The following TMEM70 variants were observed in gnomAD, a reference collection of about 807,000 sequenced individuals.
The protein encoded by TMEM70 is transmembrane protein 70, mitochondrial.
In TMEM70, 15 loss-of-function variants were observed where a neutral mutation model predicts 20.5. That is an observed-to-expected ratio of 0.73 (90% CI 0.49 to 1.13). TMEM70 has a LOEUF of 1.13. Ranked by LOEUF, TMEM70 falls within the 50% of genes most tolerant of loss-of-function variation. TMEM70 has a pLI of 0.00. For missense variants in TMEM70, 344 were observed against 331.7 expected (o/e 1.04, Z -0.29); for synonymous variants, 141 against 134.2 (o/e 1.05, Z -0.35).
At position 73,981,325 on chromosome 8, in the gene TMEM70, A is replaced by G. The variant is rs1586636780; in HGVS notation, c.487A>G (p.Thr163Ala). 6.2e-7 allele frequency: 1 copy of G among 1,614,092 alleles called. No individual in the cohort carries two copies. Among genetic ancestry groups the G allele is most frequent in the Non-Finnish European group, 8.5e-7 (1 of 1,180,052 alleles). The change falls in exon 3 of 3, where the codon ACA (threonine) becomes GCA (alanine). Residue 163 changes from threonine to alanine, a missense_variant. Coordinates refer to ENST00000312184, the MANE Select transcript of TMEM70 (RefSeq NM_017866.6). ...VITPVLLHFITKGYVIRLYHE... is the reference protein window; with the variant it reads ...VITPVLLHFIAKGYVIRLYHE... ...CACCCCAGTGCTGCTTCACTTTATTACAAAAGGCTATGTCATTCGATTGTA... is the reference window on the plus strand; with the variant it reads ...CACCCCAGTGCTGCTTCACTTTATTGCAAAAGGCTATGTCATTCGATTGTA...
At chr8:73,976,813 GCAGCAC>G (rs1293551496) in intron 1 of TMEM70, among the ~76,000 whole-genome samples, 1 of 152,240 alleles carries the variant, frequency 6.6e-6, no homozygotes, top group Non-Finnish European at 1.5e-5. Context: ...AAAATTGGAT[GCAGCAC>G]CTGGAAATAG....
At chr8:73,976,924 G>A (rs1295648204) in intron 1 of TMEM70, among the ~76,000 whole-genome samples, 1 of 152,152 alleles carries the variant, frequency 6.6e-6, no homozygotes, top group African/African-American at 2.4e-5. Context: ...GGGAAAAGGG[G>A]GATGCAGATG....
intron 1 of TMEM70, 39 bp downstream of exon 1, chr8:73,976,530 G>C: frequency 6.8e-7 from 1 of 1,474,502 alleles, no homozygotes; most frequent in Non-Finnish European, 9.0e-7. Flanking sequence ...GTGAGGCGGG[G>C]AGGGCGGGCG....
intron 2 of TMEM70, among the ~76,000 whole-genome samples, chr8:73,980,940 G>A (rs866917986): frequency 6.6e-6 from 1 of 152,186 alleles, no homozygotes; most frequent in East Asian, 1.9e-4. Flanking sequence ...GCCTGGAGAG[G>A]CAGTGCATTC....
In TMEM70 at chr8:73,976,508, C is replaced by T. The variant is rs1815652636; in HGVS notation, c.210+17C>T. On this transcript the variant is annotated intron_variant, in intron 1 of 2. Coordinates refer to ENST00000312184, the MANE Select transcript of TMEM70 (RefSeq NM_017866.6). ...CGAGCGCAGGTAGGGCGTCCGAGGT[C>T]TGGTGTCCCAAGTGAGGCGGGGAGG... The T allele has an allele frequency of 6.6e-7, 1 of 1,508,462 alleles. No individual in the cohort carries two copies. The highest frequency in any genetic ancestry group is 8.8e-7 in the Non-Finnish European group (1 of 1,133,258). 93.4% of individuals were successfully genotyped at this position (1,508,462 alleles called of 1,614,324 possible). A position where few individuals can be genotyped will look rare whatever the true frequency, so the allele number is the denominator to read the frequency against.
In TMEM70 at chr8:73,981,584, A is replaced by T; in HGVS notation, c.746A>T (p.Glu249Val). The change falls in exon 3 of 3, where the codon GAA becomes GTA. Residue 249 changes from glutamate (E) to valine (V), a missense_variant. Glu to Val is a moderately radical substitution (Grantham distance 121, BLOSUM62 -2). Transcript: ENST00000312184. Reference protein sequence around the residue: ...DKEEFILYMEETSEEKRHKDD... With the variant: ...DKEEFILYMEVTSEEKRHKDD... ...GAAGAATTTATTTTGTATATGGAAGAAACCAGTGAAGAGAAACGGCATAAA... is the reference window on the plus strand; with the variant it reads ...GAAGAATTTATTTTGTATATGGAAGTAACCAGTGAAGAGAAACGGCATAAA... The T allele has an allele frequency of 6.2e-7, 1 of 1,612,336 alleles. No individual in the cohort carries two copies. Among genetic ancestry groups the T allele is most frequent in the Non-Finnish European group, 8.5e-7 (1 of 1,179,254 alleles).
chr8:73,978,175 C>T (rs1815699174), intron 1 of TMEM70, among the ~76,000 whole-genome samples: 1 of 151,698 alleles, frequency 6.6e-6, no homozygotes, highest in Non-Finnish European at 1.5e-5. Flanking sequence ...CAATCTCCGC[C>T]TCCCAGGTTC....
At position 73,981,886 on chromosome 8, in the gene TMEM70, T is replaced by C. The variant is rs1240616869; in HGVS notation, c.*265T>C. 2 of 572,802 alleles carry C rather than the reference T, an allele frequency of 3.5e-6. No individual in the cohort carries two copies. Among genetic ancestry groups the C allele is most frequent in the Non-Finnish European group, 6.5e-6 (2 of 305,396 alleles). 35.5% of individuals were successfully genotyped at this position (572,802 alleles called of 1,614,324 possible). A position where few individuals can be genotyped will look rare whatever the true frequency, so the allele number is the denominator to read the frequency against. ...AGAGTTCTGTGTTACTGTGGTTGAC[T>C]CTAAACTGGGGATCTGATGTCAGTA... On this transcript the variant is annotated 3_prime_UTR_variant, in exon 3 of 3. Coordinates refer to ENST00000312184, the MANE Select transcript of TMEM70 (RefSeq NM_017866.6).
rs778694443 is a variant in TMEM70, at chr8:73,982,714, C to T, written c.*1093C>T. 9 of 455,964 alleles carry T rather than the reference C, an allele frequency of 2.0e-5. No individual in the cohort carries two copies. The highest frequency in any genetic ancestry group is 6.0e-5 in the African/African-American group (3 of 50,106). 28.2% of individuals were successfully genotyped at this position (455,964 alleles called of 1,614,324 possible). A position where few individuals can be genotyped will look rare whatever the true frequency, so the allele number is the denominator to read the frequency against. ...TCAGTATCTTAATTTGTTTCTGCAA[C>T]TGTGCACTCCTCCCTTGGTGGCACC... On this transcript the variant is annotated 3_prime_UTR_variant, in exon 3 of 3. Transcript: ENST00000312184.
intron 1 of TMEM70, among the ~76,000 whole-genome samples, chr8:73,978,097 A>G (rs563604072): frequency 4.2e-4 from 64 of 151,850 alleles, no homozygotes; most frequent in Non-Finnish European, 8.2e-4. Context: ...ATTTTATTTT[A>G]TTTTTTTGAG....
At chr8:73,976,960 A>G (rs1815666950) in intron 1 of TMEM70, among the ~76,000 whole-genome samples, 1 of 152,230 alleles carries the variant, frequency 6.6e-6, no homozygotes, top group Admixed American at 6.5e-5. Flanking sequence ...TGATCTGAAT[A>G]AATTGTCTTC....
Position 73,976,362 on chromosome 8 carries a change from C to A in TMEM70, c.81C>A (p.Ala27=), listed in dbSNP as rs1323825580. 6.3e-7 allele frequency: 1 copy of A among 1,598,654 alleles called. No homozygotes were observed. Among genetic ancestry groups the A allele is most frequent in the Non-Finnish European group, 8.5e-7 (1 of 1,179,216 alleles). Residue 27 remains alanine (A), a synonymous_variant, in exon 1 of 3, where the codon GCC becomes GCA. Coordinates refer to ENST00000312184, the MANE Select transcript of TMEM70 (RefSeq NM_017866.6). ...GGAGGACTGCATTGTGTGCGGCCGC[C>A]GCGCTCCGAGGTCCCCGGGCCTCTG... The part of the protein sequence containing the change: ...CGRRTALCAA[A]ALRGPRASVS...
At chr8:73,976,549 G>A in intron 1 of TMEM70, 58 bp downstream of exon 1, 1 of 1,425,044 alleles carries the variant, frequency 7.0e-7, no homozygotes, top group South Asian at 1.4e-5. Flanking sequence ...CGTCGTGTCG[G>A]GCCTGGGGAG....
chr8:73,981,846 G>A lies in TMEM70; in HGVS notation c.*225G>A, dbSNP rs1298363235. ...TTTAGAAAGGTATGTGAATAAATATGTTCATGCTAGTATAAGAGTTCTGTG... is the reference window on the plus strand; with the variant it reads ...TTTAGAAAGGTATGTGAATAAATATATTCATGCTAGTATAAGAGTTCTGTG... On this transcript the variant is annotated 3_prime_UTR_variant, in exon 3 of 3. Transcript: ENST00000312184. 1 of 631,322 alleles carries A rather than the reference G, an allele frequency of 1.6e-6. No homozygotes were observed. The highest frequency in any genetic ancestry group is 2.1e-5 in the Admixed American group (1 of 47,832). The allele number at this position is 631,322 out of a possible 1,614,324, so 39.1% of individuals were successfully genotyped here. A position where few individuals can be genotyped will look rare whatever the true frequency, so the allele number is the denominator to read the frequency against.
chr8:73,981,678 A>C lies in TMEM70; in HGVS notation c.*57A>C. ...ATTTACGTTTTAATGTATAATAATA[A>C]AATTGCCTTTTGCATTCCGTTAGTG... On this transcript the variant is annotated 3_prime_UTR_variant, in exon 3 of 3. Transcript: ENST00000312184. The C allele has an allele frequency of 7.8e-7, 1 of 1,286,062 alleles. No individual in the cohort carries two copies. Among genetic ancestry groups the C allele is most frequent in the South Asian group, 1.2e-5 (1 of 82,554 alleles). The allele number at this position is 1,286,062 out of a possible 1,614,324, so 79.7% of individuals were successfully genotyped here.
intron 1 of TMEM70, among the ~76,000 whole-genome samples, chr8:73,977,309 G>T (rs1282551085): frequency 6.6e-6 from 1 of 151,986 alleles, no homozygotes; most frequent in Non-Finnish European, 1.5e-5. Flanking sequence ...AGCCTCCCCA[G>T]TAGTTGGGAT....
In TMEM70 at chr8:73,982,354, T is replaced by C; in HGVS notation, c.*733T>C. The stretch of plus-strand genomic sequence containing the variant: ...GTGAAGGTTCTAAGGCATGGGATCG[T>C]TTCCAGATGAGAATCCACAAGCGAC... On this transcript the variant is annotated 3_prime_UTR_variant, in exon 3 of 3. Transcript: ENST00000312184. The C allele has an allele frequency of 1.4e-6, 1 of 719,458 alleles. No homozygotes were observed. Among genetic ancestry groups the C allele is most frequent in the Non-Finnish European group, 2.5e-6 (1 of 401,964 alleles). 44.6% of individuals were successfully genotyped at this position (719,458 alleles called of 1,614,324 possible). A position where few individuals can be genotyped will look rare whatever the true frequency, so the allele number is the denominator to read the frequency against.
At position 73,982,037 on chromosome 8, in the gene TMEM70, A is replaced by G; in HGVS notation, c.*416A>G. 1 of 465,990 alleles carries G rather than the reference A, an allele frequency of 2.1e-6. No homozygotes were observed. The highest frequency in any genetic ancestry group is 4.3e-6 in the Non-Finnish European group (1 of 234,124). The allele number at this position is 465,990 out of a possible 1,614,324, so 28.9% of individuals were successfully genotyped here. ...CATAGGTGGTGCGGAGCTGTGGTCC[A>G]CCTGCTCCTGCTCCTGACTCACTGC... is the stretch of plus-strand genomic sequence containing the variant. On this transcript the variant is annotated 3_prime_UTR_variant, in exon 3 of 3. Transcript: ENST00000312184.
chr8:73,977,828 CAT>C (rs1295518547), intron 1 of TMEM70, among the ~76,000 whole-genome samples: 1 of 152,070 alleles, frequency 6.6e-6, no homozygotes, highest in African/African-American at 2.4e-5. Flanking sequence ...AAAGGTGTTG[CAT>C]TTAAATAGAA....
Sources: gnomAD v4.1 joint callset for allele counts (sites outside exome capture counted in the v4.1 genomes callset) on GRCh38, gnomAD v4.1.1 for gene constraint, MANE v1.5 for transcripts, NCBI Gene and HGNC (gene_info 2026-07-23, HGNC 2026-07-21) for gene names.